The following NAALADL2 variants were observed in gnomAD, a reference collection of about 807,000 sequenced individuals.
NAALADL2 encodes inactive N-acetylated-alpha-linked acidic dipeptidase-like protein 2.
In NAALADL2, 76 loss-of-function variants were observed where a neutral mutation model predicts 87.2. The observed-to-expected ratio is 0.87, with a 90% confidence interval of 0.72 to 1.05. NAALADL2 has a LOEUF of 1.05. Among genes scored for constraint, NAALADL2 ranks in the 50% least tolerant of loss-of-function variants. The probability of loss-of-function intolerance (pLI) is 0.00; values close to 1 mark genes in which losing one functional copy is unlikely to be tolerated. For synonymous variants in NAALADL2, 354 were observed against 331.0 expected (o/e 1.07, Z -0.75); for missense variants, 1,089 against 945.8 (o/e 1.15, Z -1.99).
intron 2 of NAALADL2, among the ~76,000 whole-genome samples, chr3:175,121,217 A>G (rs1011626411): frequency 6.6e-5 from 10 of 151,928 alleles, no homozygotes; most frequent in African/African-American, 2.2e-4. Flanking sequence ...ATACAGATCT[A>G]TAAGTGTGTT....
chr3:174,820,378 A>G (rs1721285726), intron 3 of NAALADL2, among the ~76,000 whole-genome samples: 1 of 152,214 alleles, frequency 6.6e-6, no homozygotes, highest in African/African-American at 2.4e-5. Flanking sequence ...AGCATATACA[A>G]TTATAAACAC....
At chr3:175,706,265 A>G (rs565741067) in intron 11 of NAALADL2, among the ~76,000 whole-genome samples, 1 of 152,222 alleles carries the variant, frequency 6.6e-6, no homozygotes, top group South Asian at 2.1e-4. Context: ...GATGGGGAAT[A>G]TCTTCCACGA....
chr3:175,681,528 C>G (rs147913139), intron 11 of NAALADL2, among the ~76,000 whole-genome samples: 2 of 152,174 alleles, frequency 1.3e-5, no homozygotes, highest in Non-Finnish European at 2.9e-5. Flanking sequence ...TGCATTTTTA[C>G]TATAAAGCCT....
In NAALADL2 at chr3:175,759,602, T is replaced by C. The variant is rs140838009; in HGVS notation, c.2189+4184T>C. On this transcript the variant is annotated intron_variant, in intron 13 of 13. Transcript: ENST00000454872. ...CAAACTCCTGACCTCGTGATTTGCC[T>C]GCCTCAGCCTCCCAAAGTGCTGGGA... 3.7e-4 allele frequency among the ~76,000 whole-genome samples: 57 copies of C among 152,228 alleles called. 3 individuals carry two copies. In the East Asian group the frequency reaches 0.011, roughly 29 times the overall value.
At chr3:174,594,566 G>C (rs1448837444) in intron 2 of NAALADL2, among the ~76,000 whole-genome samples, 1 of 152,118 alleles carries the variant, frequency 6.6e-6, no homozygotes, top group Non-Finnish European at 1.5e-5. Context: ...CCTCAATTGA[G>C]TTGCGGCTCT....
intron 2 of NAALADL2, among the ~76,000 whole-genome samples, chr3:174,654,281 G>C (rs1442535505): frequency 6.6e-6 from 1 of 151,814 alleles, no homozygotes; most frequent in Non-Finnish European, 1.5e-5. Flanking sequence ...AAGTGTACTT[G>C]GGTACTCAAT....
At chr3:174,877,047 G>T (rs1728596619) in intron 1 of NAALADL2, among the ~76,000 whole-genome samples, 1 of 151,986 alleles carries the variant, frequency 6.6e-6, no homozygotes, top group South Asian at 2.1e-4. Context: ...CATTATGAGG[G>T]CCACAACCCC....
rs1196102623 is a variant in NAALADL2, at chr3:175,636,574, C to T, written c.1896+9188C>T. 2.0e-5 allele frequency among the ~76,000 whole-genome samples: 3 copies of T among 151,766 alleles called. No homozygotes were observed. In the East Asian group the frequency reaches 5.8e-4, roughly 30 times the overall value. On this transcript the variant is annotated intron_variant, in intron 11 of 13. Transcript: ENST00000454872. Reference sequence around the variant, plus strand: ...AGCAGCCAGATGTGGTGGCGGGTGCCTGTAATCCCAGTACATGGGAAGCTG... The same window carrying T: ...AGCAGCCAGATGTGGTGGCGGGTGCTTGTAATCCCAGTACATGGGAAGCTG...
intron 8 of NAALADL2, among the ~76,000 whole-genome samples, chr3:175,468,685 AT>A (rs1724442781): frequency 1.3e-5 from 2 of 152,128 alleles, no homozygotes; most frequent in Admixed American, 1.3e-4. Context: ...TAAAATATAT[AT>A]TTCTGAACTA....
At chr3:174,792,261 A>G (rs73050135) in intron 3 of NAALADL2, among the ~76,000 whole-genome samples, 14,121 of 151,232 alleles carry the variant, frequency 0.093, 729 homozygotes, top group Middle Eastern at 0.16. Flanking sequence ...ATGAGGAAGG[A>G]AAGAAGGAAG....
chr3:175,678,419 G>A (rs1324069782), intron 11 of NAALADL2, among the ~76,000 whole-genome samples: 2 of 152,106 alleles, frequency 1.3e-5, no homozygotes, highest in African/African-American at 4.8e-5. Context: ...TGTGCTACAT[G>A]CACACGTATG....
chr3:175,052,012 A>G (rs9835980), intron 1 of NAALADL2, among the ~76,000 whole-genome samples: 31,160 of 152,164 alleles, frequency 0.2, 3,399 homozygotes, highest in Middle Eastern at 0.32. Context: ...GGGTCTCGCA[A>G]CCTTCAGAGC....
intron 11 of NAALADL2, among the ~76,000 whole-genome samples, chr3:175,642,481 G>T (rs62284544): frequency 0.016 from 2,359 of 150,858 alleles, 22 homozygotes; most frequent in Middle Eastern, 0.087. Flanking sequence ...ACATGCCCAA[G>T]ATATTCATCA....
chr3:175,678,931 C>T (rs149535732), intron 11 of NAALADL2, among the ~76,000 whole-genome samples: 4,314 of 152,024 alleles, frequency 0.028, 203 homozygotes, highest in African/African-American at 0.099. Context: ...TGGGTGCAGG[C>T]GGGCTGAGTC....
chr3:175,078,066 C>T lies in NAALADL2; in HGVS notation c.44-18724C>T, dbSNP rs184561057. The stretch of plus-strand genomic sequence containing the variant: ...TCTTGAGACAATCTCACTCCGTCAC[C>T]CAGGCTGGTGTGCAGTGGCATAATC... On this transcript the variant is annotated intron_variant, in intron 1 of 13. Coordinates refer to ENST00000454872, the MANE Select transcript of NAALADL2 (RefSeq NM_207015.3). Among the ~76,000 whole-genome samples the T allele has an allele frequency of 1.3e-4, 20 of 151,772 alleles. No individual in the cohort carries two copies. The East Asian group carries it at 3.9e-3, about 29-fold the overall frequency.
At position 175,258,041 on chromosome 3, in the gene NAALADL2, T is replaced by G. The variant is rs376319238; in HGVS notation, c.939+1511T>G. Among the ~76,000 whole-genome samples, 121 of 152,020 alleles carry G rather than the reference T, an allele frequency of 8.0e-4. 1 individual carries two copies. The South Asian group carries it at 0.021, about 26-fold the overall frequency. On this transcript the variant is annotated intron_variant, in intron 4 of 13. Coordinates refer to ENST00000454872, the MANE Select transcript of NAALADL2 (RefSeq NM_207015.3). Reference sequence around the variant, plus strand: ...TGAAACGATGGGGCCAGGCGCGGTGTCTCACACCTGTAATCCCAGCACTTC... The same window carrying G: ...TGAAACGATGGGGCCAGGCGCGGTGGCTCACACCTGTAATCCCAGCACTTC...
chr3:174,631,858 C>T (rs1722143988), intron 2 of NAALADL2: 1 of 152,170 alleles, frequency 6.6e-6, no homozygotes, highest in African/African-American at 2.4e-5. Context: ...CATCTGTCAA[C>T]ACATTGATTT....
intron 11 of NAALADL2, chr3:175,718,706 A>G (rs1741753355): frequency 6.8e-7 from 1 of 1,472,062 alleles, no homozygotes; most frequent in Non-Finnish European, 9.4e-7. Context: ...ATGGAAGATC[A>G]CTTGAGGCGT....
rs553704642 is a variant in NAALADL2, at chr3:175,246,169, A to T, written c.820-10242A>T. Among the ~76,000 whole-genome samples, 9 of 152,338 alleles carry T rather than the reference A, an allele frequency of 5.9e-5. 1 individual carries two copies. Among genetic ancestry groups the T allele is most frequent in the Admixed American group, 2.0e-4 (3 of 15,298 alleles). On this transcript the variant is annotated intron_variant, in intron 3 of 13. Coordinates refer to ENST00000454872, the MANE Select transcript of NAALADL2 (RefSeq NM_207015.3). ...TGATTTTTAGAAAGAAAGAAGGTAA[A>T]CGTGGATAATCACTGTGATTTTGCA...
Sources: gnomAD v4.1 joint callset for allele counts (sites outside exome capture counted in the v4.1 genomes callset) on GRCh38, gnomAD v4.1.1 for gene constraint, MANE v1.5 for transcripts, NCBI Gene and HGNC (gene_info 2026-07-23, HGNC 2026-07-21) for gene names.